The following ALDH1A1 variants were observed in gnomAD, a reference collection of about 807,000 sequenced individuals.
The protein encoded by ALDH1A1 is aldehyde dehydrogenase 1 family member A1, also known as aldehyde dehydrogenase 1A1.
In ALDH1A1, 19 loss-of-function variants were observed where a neutral mutation model predicts 62.1. That is an observed-to-expected ratio of 0.31 (90% CI 0.21 to 0.45). The LOEUF (loss-of-function observed/expected upper bound fraction) is 0.45. ALDH1A1 is among the 20% of genes least tolerant of loss of function. The probability of loss-of-function intolerance (pLI) is 1.00; values close to 1 mark genes in which losing one functional copy is unlikely to be tolerated. For missense variants in ALDH1A1, 521 were observed against 607.1 expected, an observed-to-expected ratio of 0.86 and a Z score of 1.49; for synonymous variants, 231 against 215.9, an observed-to-expected ratio of 1.07 and a Z score of -0.61.
chr9:72,923,095 G>A (rs993130929), intron 7 of ALDH1A1, among the ~76,000 whole-genome samples: 7 of 152,012 alleles, frequency 4.6e-5, no homozygotes, highest in Non-Finnish European at 1.0e-4. Context: ...CAACTTCCAG[G>A]AAGTTAAAAA....
chr9:72,935,142 A>G (rs1354010922), intron 2 of ALDH1A1, among the ~76,000 whole-genome samples: 2 of 152,152 alleles, frequency 1.3e-5, no homozygotes, highest in East Asian at 3.9e-4. Context: ...TCCATGATAC[A>G]ACAAAACTTA....
chr9:72,918,735 A>G lies in ALDH1A1; in HGVS notation c.835T>C (p.Leu279=). 1 of 1,613,208 alleles carries G rather than the reference A, an allele frequency of 6.2e-7. No homozygotes were observed. Among genetic ancestry groups the G allele is most frequent in the Non-Finnish European group, 8.5e-7 (1 of 1,179,710 alleles). The part of the protein sequence containing the change: ...ELGGKSPCIV[L]ADADLDNAVE... ...TTCTACTCACAGTCGGCATCAGCTA[A>G]CACAATGCAAGGGCTCTTTCCTCCA... Residue 279 remains leucine, a synonymous_variant, in exon 8 of 13, where the codon TTA becomes CTA. Coordinates refer to ENST00000297785, the MANE Select transcript of ALDH1A1 (RefSeq NM_000689.5).
At chr9:72,946,750 C>A (rs79636223) in intron 1 of ALDH1A1, among the ~76,000 whole-genome samples, 2 of 151,886 alleles carry the variant, frequency 1.3e-5, no homozygotes, top group Non-Finnish European at 2.9e-5. Context: ...GTGCACCCCC[C>A]CACACCACCA....
chr9:72,927,827 A>C (rs1169615065), intron 4 of ALDH1A1, among the ~76,000 whole-genome samples: 1 of 152,112 alleles, frequency 6.6e-6, no homozygotes, highest in Non-Finnish European at 1.5e-5. Flanking sequence ...TAAATACATG[A>C]AGAAAATGAC....
chr9:72,947,142 C>G (rs751606860), intron 1 of ALDH1A1, among the ~76,000 whole-genome samples: 3 of 151,952 alleles, frequency 2.0e-5, no homozygotes, highest in African/African-American at 4.8e-5. Flanking sequence ...CTTGCCAAGA[C>G]AGCAGTCCTC....
intron 8 of ALDH1A1, among the ~76,000 whole-genome samples, chr9:72,918,415 A>T (rs1588134994): frequency 1.3e-5 from 2 of 152,284 alleles, no homozygotes; most frequent in Non-Finnish European, 2.9e-5. Context: ...ATAATCACAG[A>T]TATGGAATTT....
chr9:72,910,587 C>T (rs1346796324), intron 10 of ALDH1A1, among the ~76,000 whole-genome samples: 1 of 152,132 alleles, frequency 6.6e-6, no homozygotes, highest in Non-Finnish European at 1.5e-5. Flanking sequence ...ATCTCAGCCT[C>T]AGGTAAAAGA....
chr9:72,930,326 TG>T (rs1183811170), intron 3 of ALDH1A1, among the ~76,000 whole-genome samples: 1 of 152,220 alleles, frequency 6.6e-6, no homozygotes, highest in African/African-American at 2.4e-5. Flanking sequence ...TTTTATTTTT[TG>T]CCTCTTTCAT....
intron 4 of ALDH1A1, among the ~76,000 whole-genome samples, chr9:72,927,799 C>T (rs1830229777): frequency 6.6e-6 from 1 of 151,980 alleles, no homozygotes; most frequent in Non-Finnish European, 1.5e-5. Flanking sequence ...GCCTACCAAA[C>T]AATAATAGCA....
intron 10 of ALDH1A1, among the ~76,000 whole-genome samples, chr9:72,911,039 A>C (rs1050957192): frequency 6.6e-6 from 1 of 152,174 alleles, no homozygotes; most frequent in Admixed American, 6.5e-5. Flanking sequence ...TCTGGTATTA[A>C]TCAAGATATG....
intron 6 of ALDH1A1, 139 bp downstream of exon 6, chr9:72,925,345 C>T (rs1193223029): frequency 6.3e-6 from 6 of 959,048 alleles, no homozygotes; most frequent in South Asian, 4.0e-5. Flanking sequence ...TGCAGCCAGC[C>T]GTCATGCTAA....
At chr9:72,936,435 T>G (rs534500869) in intron 2 of ALDH1A1, among the ~76,000 whole-genome samples, 1 of 152,164 alleles carries the variant, frequency 6.6e-6, no homozygotes, top group African/African-American at 2.4e-5. Flanking sequence ...TGCAAACAGA[T>G]CTGGCCTTCC....
At chr9:72,908,572 AAAG>A (rs1176929625) in intron 11 of ALDH1A1, among the ~76,000 whole-genome samples, 3 of 94,456 alleles carry the variant, frequency 3.2e-5, no homozygotes, top group Admixed American at 1.1e-4. Flanking sequence ...AGAAAGAAAG[AAAG>A]AAAGAAAGAA....
At chr9:72,916,463 T>C (rs1172064036) in intron 9 of ALDH1A1, among the ~76,000 whole-genome samples, 1 of 152,116 alleles carries the variant, frequency 6.6e-6, no homozygotes, top group African/African-American at 2.4e-5. Flanking sequence ...TAGGACCCCA[T>C]GCTACGATTA....
At chr9:72,908,876 A>G (rs1047283620) in intron 11 of ALDH1A1, among the ~76,000 whole-genome samples, 2 of 152,144 alleles carry the variant, frequency 1.3e-5, no homozygotes, top group Non-Finnish European at 2.9e-5. Context: ...GAGGGAGGGT[A>G]TCTTCAAAAT....
rs534180041 is a variant in ALDH1A1, at chr9:72,940,201, C to T, written c.118G>A (p.Val40Ile). ...HDSVSGKKFP[V>I]FNPATEEELC... ...TCCTCCTCAGTTGCAGGATTAAAGA[C>T]AGGAAATTTCTTGCCACTCACTGAA... The change falls in exon 2 of 13, where the codon GTC becomes ATC. Residue 40 changes from valine to isoleucine, a missense_variant. Transcript: ENST00000297785. 3.7e-6 allele frequency: 6 copies of T among 1,613,792 alleles called. No homozygotes were observed. The African/African-American group carries it at 6.7e-5, about 18-fold the overall frequency.
intron 10 of ALDH1A1, among the ~76,000 whole-genome samples, chr9:72,910,766 A>G (rs1829972534): frequency 6.6e-6 from 1 of 152,168 alleles, no homozygotes; most frequent in Admixed American, 6.5e-5. Context: ...ACTGATTTAA[A>G]TGTTAGAAGG....
At chr9:72,905,845 A>G in intron 12 of ALDH1A1, 113 bp downstream of exon 12, 1 of 812,876 alleles carries the variant, frequency 1.2e-6, no homozygotes, top group Non-Finnish European at 1.9e-6. Context: ...ATGAATCTCC[A>G]GGAAAGAACA....
intron 8 of ALDH1A1, among the ~76,000 whole-genome samples, chr9:72,918,088 G>A (rs988048521): frequency 1.3e-5 from 2 of 152,166 alleles, no homozygotes; most frequent in Non-Finnish European, 2.9e-5. Flanking sequence ...AAAAAAGAAT[G>A]TTTGACCATG....
Sources: allele counts gnomAD v4.1 joint callset (sites outside exome capture counted in the v4.1 genomes callset), GRCh38; gene constraint gnomAD v4.1.1; transcripts MANE v1.5; gene names NCBI Gene and HGNC (gene_info 2026-07-23, HGNC 2026-07-21).